The following DCK variants were observed in gnomAD, a reference collection of about 807,000 sequenced individuals.
DCK encodes the protein deoxycytidine kinase.
DCK carries 23 observed loss-of-function variants against 38.3 expected under a neutral mutation model. The observed-to-expected ratio is 0.60, with a 90% CI of 0.43 to 0.85. DCK has a LOEUF of 0.85. Ranked by LOEUF, DCK falls within the 40% of genes least tolerant of loss-of-function variation. The pLI is 0.00. For missense variants in DCK, 259 were observed against 304.4 expected, an observed-to-expected ratio of 0.85 and a Z score of 1.11; for synonymous variants, 108 against 100.6, an observed-to-expected ratio of 1.07 and a Z score of -0.44.
chr4:71,023,903 A>C (rs915459386), intron 4 of DCK, among the ~76,000 whole-genome samples, 197 bp downstream of exon 4: 2 of 152,146 alleles, frequency 1.3e-5, no homozygotes, highest in Non-Finnish European at 2.9e-5. Context: ...AGACTGGGCA[A>C]GTTGCTGTTT....
rs571988268 is a variant in DCK, at chr4:71,027,788, A to G, written c.756+1033A>G. 3.3e-5 allele frequency among the ~76,000 whole-genome samples: 5 copies of G among 152,310 alleles called. No individual in the cohort carries two copies. The South Asian group carries it at 8.3e-4, about 25-fold the overall frequency. On this transcript the variant is annotated intron_variant, in intron 6 of 6. Transcript: ENST00000286648. ...TAATGATGTTAAAAATATAGGATAA[A>G]TTCACTTACAATACTATTAAATGAA...
At chr4:70,998,027 G>T in intron 1 of DCK, 40 bp from the exon 2 acceptor site, 1 of 1,095,690 alleles carries the variant, frequency 9.1e-7, no homozygotes, top group South Asian at 1.5e-5. Flanking sequence ...TTTTTTTCCT[G>T]ACAACTTTTC....
chr4:71,000,569 T>C (rs1253615517), intron 2 of DCK, among the ~76,000 whole-genome samples: 1 of 152,198 alleles, frequency 6.6e-6, no homozygotes, highest in Non-Finnish European at 1.5e-5. Context: ...AAGTCAATGG[T>C]AGCTTGATGG....
At chr4:70,997,860 G>T (rs534393418) in intron 1 of DCK, among the ~76,000 whole-genome samples, 3 of 152,152 alleles carry the variant, frequency 2.0e-5, no homozygotes, top group African/African-American at 7.2e-5. Context: ...TAAACTAAAC[G>T]TAATAAAAAA....
chr4:71,012,510 A>AC (rs1054577589), intron 2 of DCK, among the ~76,000 whole-genome samples: 2 of 152,082 alleles, frequency 1.3e-5, no homozygotes, highest in Non-Finnish European at 2.9e-5. Context: ...ACTGAGAGGC[A>AC]CCCCCCAGTA....
Position 70,993,851 on chromosome 4 carries a change from A to G in DCK, c.16A>G (p.Lys6Glu). The change falls in exon 1 of 7, where the codon AAG becomes GAG. Residue 6 changes from lysine (K) to glutamate (E), a missense_variant. Lys to Glu is a moderately conservative substitution (Grantham distance 56). Transcript: ENST00000286648. The part of the protein sequence containing the change: MATPP[K>E]RSCPSFSASS... ...AGACTAAGGAATGGCCACCCCGCCC[A>G]AGAGAAGCTGCCCGTCTTTCTCAGC... The G allele has an allele frequency of 6.2e-7, 1 of 1,613,808 alleles. No individual in the cohort carries two copies. Among genetic ancestry groups the G allele is most frequent in the South Asian group, 1.1e-5 (1 of 91,034 alleles).
At chr4:71,009,758 T>TTC (rs1740038607) in intron 2 of DCK, among the ~76,000 whole-genome samples, 1 of 152,162 alleles carries the variant, frequency 6.6e-6, no homozygotes, top group Non-Finnish European at 1.5e-5. Context: ...TTCTCTGTAC[T>TTC]TCTGTACAGA....
chr4:71,029,671 A>T lies in DCK; in HGVS notation c.*293A>T. ...TAGTGACTAAACTACATTATAAAAGATCCAGCTTCCTTCTGTCATTCCCCT... is the reference window on the plus strand; with the variant it reads ...TAGTGACTAAACTACATTATAAAAGTTCCAGCTTCCTTCTGTCATTCCCCT... On this transcript the variant is annotated 3_prime_UTR_variant, in exon 7 of 7. Transcript: ENST00000286648. 1 of 278,096 alleles carries T rather than the reference A, an allele frequency of 3.6e-6. No individual in the cohort carries two copies. The highest frequency in any genetic ancestry group is 6.7e-6 in the Non-Finnish European group (1 of 149,524). 17.2% of individuals were successfully genotyped at this position (278,096 alleles called of 1,614,324 possible). A position where few individuals can be genotyped will look rare whatever the true frequency, so the allele number is the denominator to read the frequency against.
chr4:71,004,391 G>T (rs1184949172), intron 2 of DCK, among the ~76,000 whole-genome samples: 2 of 152,310 alleles, frequency 1.3e-5, no homozygotes, highest in East Asian at 1.9e-4. Flanking sequence ...TGAGGTGTCT[G>T]CCGACCCCTG....
chr4:71,006,262 G>A, intron 2 of DCK: 5 of 734,336 alleles, frequency 6.8e-6, no homozygotes, highest in Non-Finnish European at 8.3e-6. Flanking sequence ...CTTTCACTCT[G>A]GGCAGAAGTT....
chr4:71,029,518 A>G lies in DCK; in HGVS notation c.*140A>G, dbSNP rs1740635104. 2 of 653,430 alleles carry G rather than the reference A, an allele frequency of 3.1e-6. No homozygotes were observed. The allele number at this position is 653,430 out of a possible 1,614,324, so 40.5% of individuals were successfully genotyped here. A position where few individuals can be genotyped will look rare whatever the true frequency, so the allele number is the denominator to read the frequency against. ...GTTTTAAGGAAAAAAGATTTTTAAA[A>G]TGAATCTTATGCAAAACTTTTTGAC... On this transcript the variant is annotated 3_prime_UTR_variant, in exon 7 of 7. Coordinates refer to ENST00000286648, the MANE Select transcript of DCK (RefSeq NM_000788.3).
chr4:71,026,736 A>G lies in DCK; in HGVS notation c.737A>G (p.Tyr246Cys), dbSNP rs745977177. The G allele has an allele frequency of 2.6e-6, 4 of 1,541,202 alleles. No individual in the cohort carries two copies. The South Asian group carries it at 3.4e-5, about 13-fold the overall frequency. Residue 246 changes from tyrosine to cysteine, a missense_variant, in exon 6 of 7, where the codon TAT becomes TGT. Tyr to Cys is a radical substitution (Grantham distance 194). Around this residue, in one of 3 missense-constraint regions of DCK, gnomAD observed 82 missense variants for 103.8 expected, o/e 0.79. Coordinates refer to ENST00000286648, the MANE Select transcript of DCK (RefSeq NM_000788.3). ...GTTAATGAAGACTTTAAAGACAAAT[A>G]TGAAAGTCTGGTTGAAAAGGTAGAT... Reference protein sequence around the residue: ...LDVNEDFKDKYESLVEKVKEF... With the variant: ...LDVNEDFKDKCESLVEKVKEF...
chr4:71,021,241 A>G (rs919456000), intron 2 of DCK, among the ~76,000 whole-genome samples: 6 of 148,894 alleles, frequency 4.0e-5, no homozygotes, highest in African/African-American at 1.5e-4. Flanking sequence ...GCGCCCGGCT[A>G]ATTTTTTGTA....
At chr4:71,026,884 G>A (rs1043195111) in intron 6 of DCK, 129 bp downstream of exon 6, 3 of 543,140 alleles carry the variant, frequency 5.5e-6, no homozygotes, top group Non-Finnish European at 9.7e-6. Flanking sequence ...AGCTTTAGAA[G>A]ATTTTGGACT....
intron 2 of DCK, among the ~76,000 whole-genome samples, chr4:71,019,691 C>T (rs1324994156): frequency 6.6e-6 from 1 of 152,084 alleles, no homozygotes; most frequent in Non-Finnish European, 1.5e-5. Flanking sequence ...GTTCATATTT[C>T]CCCATTGTCT....
chr4:71,012,410 A>G (rs1740125349), intron 2 of DCK, among the ~76,000 whole-genome samples: 1 of 152,274 alleles, frequency 6.6e-6, no homozygotes, highest in Non-Finnish European at 1.5e-5. Flanking sequence ...ACAGCTTTGA[A>G]GAGAGTAGTG....
chr4:71,022,057 T>C (rs1740438853), intron 2 of DCK, among the ~76,000 whole-genome samples: 1 of 152,232 alleles, frequency 6.6e-6, no homozygotes, highest in African/African-American at 2.4e-5. Context: ...ATTATTTAGC[T>C]TTTAAATATT....
chr4:70,996,178 G>A (rs1427438648), intron 1 of DCK, among the ~76,000 whole-genome samples: 1 of 149,594 alleles, frequency 6.7e-6, no homozygotes, highest in African/African-American at 2.4e-5. Context: ...TGGCACCACT[G>A]CACCCCAGCC....
At chr4:71,010,344 C>T (rs1032517494) in intron 2 of DCK, among the ~76,000 whole-genome samples, 4 of 151,644 alleles carry the variant, frequency 2.6e-5, no homozygotes, top group African/African-American at 9.7e-5. Context: ...AGATTATTAG[C>T]AATCTTGGTA....
Sources: gnomAD v4.1 joint callset for allele counts (sites outside exome capture counted in the v4.1 genomes callset) on GRCh38, gnomAD v4.1.1 for gene constraint, gnomAD v4.1.1 regional missense constraint, MANE v1.5 for transcripts, NCBI Gene and HGNC (gene_info 2026-07-23, HGNC 2026-07-21) for gene names.